Variants in LAMA2 observed in about 807,000 individuals in gnomAD.
LAMA2 encodes laminin subunit alpha 2.
Under a neutral mutation model 364.8 loss-of-function variants are expected in LAMA2, and 269 were observed. The observed-to-expected ratio is 0.74, with a 90% CI of 0.67 to 0.82. LAMA2 has a LOEUF of 0.82. Ranked by LOEUF, LAMA2 falls within the 40% of genes least tolerant of loss-of-function variation. LAMA2 has a pLI of 0.00. For missense variants in LAMA2, 3,807 were observed against 3,873.2 expected (o/e 0.98, Z 0.45); for synonymous variants, 1,379 against 1,370.6 (o/e 1.01, Z -0.14).
At chr6:128,928,859 A>G in intron 1 of LAMA2, 1 of 646,086 alleles carries the variant, frequency 1.5e-6, no homozygotes, top group Non-Finnish European at 2.8e-6. Flanking sequence ...AATTTGAGTA[A>G]AGTGGACTTT....
intron 12 of LAMA2, among the ~76,000 whole-genome samples, chr6:129,203,284 T>C (rs1363519831): frequency 6.6e-6 from 1 of 152,264 alleles, no homozygotes; most frequent in African/African-American, 2.4e-5. Context: ...TCATGTTCTA[T>C]GTGCGGCTCA....
rs80315820 is a variant in LAMA2 at position 129,423,206 on chromosome 6, A to T, written c.5866-4546A>T. Among the ~76,000 whole-genome samples, 170 of 150,638 alleles carry T rather than the reference A, an allele frequency of 1.1e-3. 4 individuals carry two copies. The East Asian group carries it at 0.025, about 22-fold the overall frequency. On this transcript the variant is annotated intron_variant, in intron 40 of 64. Transcript: ENST00000421865. Reference sequence around the variant, plus strand: ...TGATCACTATAAAAACCTATTTTTTAAAAAAACCTAACAGCTAAAATCATA... The same window carrying T: ...TGATCACTATAAAAACCTATTTTTTTAAAAAACCTAACAGCTAAAATCATA...
At chr6:128,949,212 T>G (rs941569660) in intron 1 of LAMA2, among the ~76,000 whole-genome samples, 1 of 152,230 alleles carries the variant, frequency 6.6e-6, no homozygotes, top group Non-Finnish European at 1.5e-5. Context: ...ATGTGAGAGC[T>G]GGAACTCAAA....
chr6:129,225,567 A>C (rs921836207), intron 12 of LAMA2, among the ~76,000 whole-genome samples: 1 of 152,282 alleles, frequency 6.6e-6, no homozygotes, highest in East Asian at 1.9e-4. Context: ...GAACATCTTT[A>C]TTCCAGCCTT....
At chr6:128,890,926 C>T (rs749849296) in intron 1 of LAMA2, among the ~76,000 whole-genome samples, 3 of 152,050 alleles carry the variant, frequency 2.0e-5, no homozygotes, top group African/African-American at 7.2e-5. Flanking sequence ...TTGACATCTT[C>T]ATAAAAACAT....
chr6:129,251,072 CTCTCTATATA>C (rs1474948066), intron 13 of LAMA2, among the ~76,000 whole-genome samples: 104 of 65,056 alleles, frequency 1.6e-3, no homozygotes, highest in African/African-American at 3.2e-3. Context: ...CTCTCTCTCT[CTCTCTATATA>C]TATATATATA....
intron 34 of LAMA2, among the ~76,000 whole-genome samples, chr6:129,376,011 C>T (rs1778355479): frequency 6.6e-6 from 1 of 152,184 alleles, no homozygotes. Flanking sequence ...CCTTATCCAA[C>T]TCTAACCTGT....
chr6:129,204,266 C>T (rs761273104), intron 12 of LAMA2, among the ~76,000 whole-genome samples: 54 of 152,154 alleles, frequency 3.5e-4, no homozygotes, highest in Non-Finnish European at 1.5e-4. Flanking sequence ...TAACATGCAT[C>T]GCTTCATGTC....
At chr6:128,960,530 T>C (rs1781421917) in intron 1 of LAMA2, among the ~76,000 whole-genome samples, 1 of 151,744 alleles carries the variant, frequency 6.6e-6, no homozygotes, top group African/African-American at 2.4e-5. Flanking sequence ...CGGCTAATTT[T>C]TGTATTTTTA....
intron 1 of LAMA2, among the ~76,000 whole-genome samples, chr6:128,928,498 G>A (rs906022025): frequency 2.0e-5 from 3 of 152,040 alleles, no homozygotes; most frequent in Admixed American, 6.5e-5. Context: ...TGACAAAGAC[G>A]ACTCAGCTCT....
intron 1 of LAMA2, among the ~76,000 whole-genome samples, chr6:129,022,501 T>C (rs553895213): frequency 2.6e-4 from 40 of 152,322 alleles, no homozygotes; most frequent in African/African-American, 8.7e-4. Context: ...CAAAATTTTC[T>C]TGGTGCTTAA....
intron 12 of LAMA2, among the ~76,000 whole-genome samples, chr6:129,245,281 C>T (rs534154592): frequency 6.6e-6 from 1 of 152,148 alleles, no homozygotes; most frequent in South Asian, 2.1e-4. Flanking sequence ...TAGTCGAATC[C>T]ATCCAGTAAT....
intron 29 of LAMA2, among the ~76,000 whole-genome samples, chr6:129,340,230 A>G (rs1351387112): frequency 1.3e-5 from 2 of 152,130 alleles, no homozygotes; most frequent in East Asian, 1.9e-4. Context: ...AGGAATGTAA[A>G]CAATGTCTTT....
chr6:129,418,483 G>C (rs1780912230), intron 40 of LAMA2, among the ~76,000 whole-genome samples: 1 of 151,950 alleles, frequency 6.6e-6, no homozygotes, highest in Non-Finnish European at 1.5e-5. Flanking sequence ...TACCCTAAGA[G>C]ATACGGAAGT....
At chr6:129,116,539 G>A (rs1019089808) in intron 4 of LAMA2, among the ~76,000 whole-genome samples, 2 of 152,064 alleles carry the variant, frequency 1.3e-5, no homozygotes, top group African/African-American at 4.8e-5. Flanking sequence ...ATAGAACCAA[G>A]ATGATTTGTG....
chr6:129,128,623 C>T (rs891864105), intron 4 of LAMA2, among the ~76,000 whole-genome samples: 1 of 152,182 alleles, frequency 6.6e-6, no homozygotes, highest in African/African-American at 2.4e-5. Context: ...TCTTCCAATC[C>T]ATGAACACAG....
chr6:129,101,727 C>T lies in LAMA2; in HGVS notation c.639+3312C>T, dbSNP rs546227659. 2.8e-3 allele frequency among the ~76,000 whole-genome samples: 422 copies of T among 152,322 alleles called. 3 individuals are homozygous for T. Among genetic ancestry groups the T allele is most frequent in the African/African-American group, 9.6e-3 (398 of 41,580 alleles). On this transcript the variant is annotated intron_variant, in intron 4 of 64. Transcript: ENST00000421865. ...CTGGATTGGGCAGAAAGCAACACTG[C>T]CATTATTGCACAAAGTTCTGTTGGG... is the stretch of plus-strand genomic sequence containing the variant.
At position 129,274,418 on chromosome 6, in the gene LAMA2, G is replaced by GA. The variant is rs200189166; in HGVS notation, c.2450+3678dup. 3.4e-4 allele frequency among the ~76,000 whole-genome samples: 48 copies of GA among 142,594 alleles called. 1 individual carries two copies. The highest frequency in any genetic ancestry group is 7.0e-4 in the Admixed American group (10 of 14,258). The allele number at this position is 142,594 out of a possible 152,430, so 93.5% of individuals were successfully genotyped here. A position where few individuals can be genotyped will look rare whatever the true frequency, so the allele number is the denominator to read the frequency against. ...TTTTAATTTCCACAGGTTATTCAGA[G>GA]AAAAAAAAAAAGGGAGCTAAAGGTT... is the stretch of plus-strand genomic sequence containing the variant. On this transcript the variant is annotated intron_variant, in intron 17 of 64. Transcript: ENST00000421865.
intron 1 of LAMA2, among the ~76,000 whole-genome samples, chr6:128,915,776 TA>T (rs1350548591): frequency 6.6e-6 from 1 of 152,088 alleles, no homozygotes; most frequent in Non-Finnish European, 1.5e-5. Flanking sequence ...TTTTATAGTC[TA>T]AAAAAATGAA....
Sources: gnomAD v4.1 joint callset for allele counts (sites outside exome capture counted in the v4.1 genomes callset) on GRCh38, gnomAD v4.1.1 for gene constraint, MANE v1.5 for transcripts, NCBI Gene and HGNC (gene_info 2026-07-23, HGNC 2026-07-21) for gene names.